Variants in MRNIP observed in about 807,000 individuals in gnomAD.
MRNIP encodes the protein MRN complex interacting protein.
MRNIP carries 30 observed loss-of-function variants against 29.8 expected under a neutral mutation model. The ratio of observed to expected loss-of-function variants is 1.01; its 90% CI spans 0.75 to 1.36. The LOEUF is 1.36. Among genes scored for constraint, MRNIP ranks in the 40% most tolerant of loss-of-function variants. The pLI, the probability that MRNIP is intolerant of heterozygous loss-of-function variation, is 0.00. For synonymous variants in MRNIP, 201 were observed against 164.1 expected (o/e 1.23, Z -1.72); for missense variants, 459 against 423.5 (o/e 1.08, Z -0.74).
chr5:179,841,886 G>C, intron 5 of MRNIP, 21 bp downstream of exon 5: 1 of 1,611,760 alleles, frequency 6.2e-7, no homozygotes, highest in Non-Finnish European at 8.5e-7. Context: ...GCCAGGGCTG[G>C]AACGGAGACG....
chr5:179,848,668 T>C (rs1159440291), intron 2 of MRNIP, among the ~76,000 whole-genome samples: 2 of 152,174 alleles, frequency 1.3e-5, no homozygotes, highest in East Asian at 3.8e-4. Context: ...TGCTAGTAAG[T>C]GCTCCTGAGA....
rs1352997641 is a variant in MRNIP at position 179,837,472 on chromosome 5, C to CA, written c.950dup (p.Val318GlyfsTer14). The CA allele has an allele frequency of 6.2e-7, 1 of 1,613,300 alleles. No individual in the cohort carries two copies. Among genetic ancestry groups the CA allele is most frequent in the African/African-American group, 1.3e-5 (1 of 74,754 alleles). ...GTCGAGGATTCTGTGCCTCCAGGAC[C>CA]AGGGGCCCACCCTCTGCCCAGGGAG... is the stretch of plus-strand genomic sequence containing the variant. On this transcript the variant is annotated frameshift_variant, in exon 7 of 7. Transcript: ENST00000292586. LOFTEE classifies it low-confidence loss of function (END_TRUNC).
intron 3 of MRNIP, among the ~76,000 whole-genome samples, chr5:179,846,487 TG>T (rs1759134522): frequency 6.6e-6 from 1 of 152,082 alleles, no homozygotes; most frequent in African/African-American, 2.4e-5. Context: ...TTCATCGTAT[TG>T]GCCAGGATGG....
At chr5:179,857,746 C>T (rs1412130903) in intron 1 of MRNIP, among the ~76,000 whole-genome samples, 1 of 152,096 alleles carries the variant, frequency 6.6e-6, no homozygotes, top group Non-Finnish European at 1.5e-5. Flanking sequence ...GGCACAATGG[C>T]TCTCGCCTGT....
Position 179,837,726 on chromosome 5 carries a change from C to T in MRNIP, c.697G>A (p.Val233Ile). Residue 233 changes from valine to isoleucine, a missense_variant, in exon 7 of 7, where the codon GTC (valine) becomes ATC (isoleucine). Transcript: ENST00000292586. ...TGTGAACTTTTTCTAGGTGGCAGGA[C>T]AAATTGCGCCCATTTAGAGGATGTG... ...TATSSKWAQF[V>I]LPPRKSSHVD... The T allele has an allele frequency of 2.0e-5, 32 of 1,614,250 alleles. No individual in the cohort carries two copies. Among genetic ancestry groups the T allele is most frequent in the Non-Finnish European group, 2.7e-5 (32 of 1,180,044 alleles).
At chr5:179,856,158 G>A (rs549998965) in intron 1 of MRNIP, among the ~76,000 whole-genome samples, 10 of 151,724 alleles carry the variant, frequency 6.6e-5, no homozygotes, top group South Asian at 2.1e-4. Flanking sequence ...TGCCCCCCTC[G>A]GCCTCCCAAA....
At chr5:179,849,970 G>T (rs1259886931) in intron 2 of MRNIP, among the ~76,000 whole-genome samples, 1 of 151,154 alleles carries the variant, frequency 6.6e-6, no homozygotes, top group African/African-American at 2.4e-5. Flanking sequence ...GAGAGTACGG[G>T]TCCCGCTATG....
At chr5:179,838,545 A>ATG (rs1399179571) in intron 6 of MRNIP, 30 of 153,320 alleles carry the variant, frequency 2.0e-4, no homozygotes, top group African/African-American at 6.7e-4. Flanking sequence ...GCGTGGTGGC[A>ATG]CGCGCCTGTA....
At chr5:179,840,797 C>T (rs753829516) in intron 6 of MRNIP, 75 bp downstream of exon 6, 10 of 1,116,420 alleles carry the variant, frequency 9.0e-6, no homozygotes, top group Admixed American at 5.9e-5. Context: ...ACTTCGTCAA[C>T]TGTGACAAAA....
At position 179,837,762 on chromosome 5, in the gene MRNIP, G is replaced by A; in HGVS notation, c.661C>T (p.Gln221Ter). The change falls in exon 7 of 7, where the codon CAG becomes TAG. Residue 221 changes from glutamine (Q) to a stop codon, truncating the protein, a stop_gained. Transcript: ENST00000292586. LOFTEE classifies it low-confidence loss of function (END_TRUNC). ...PGKELWSPIQ[Q>*]VTATSSKWAQ... is the part of the protein sequence containing the mutation. ...CATTTAGAGGATGTGGCTGTAACCT[G>A]CTGGATGGGACTCCATAGCTCCTTC... 1 of 1,614,240 alleles carries A rather than the reference G, an allele frequency of 6.2e-7. No homozygotes were observed. Among genetic ancestry groups the A allele is most frequent in the Non-Finnish European group, 8.5e-7 (1 of 1,180,046 alleles).
intron 6 of MRNIP, chr5:179,838,735 T>C (rs962833930): frequency 1.3e-5 from 2 of 152,178 alleles, no homozygotes; most frequent in Non-Finnish European, 1.5e-5. Flanking sequence ...TCCCAGCACT[T>C]TGGGAGGCTG....
rs949116045 is a variant in MRNIP at position 179,837,885 on chromosome 5, C to A, written c.538G>T (p.Gly180Ter). 33 of 1,602,018 alleles carry A rather than the reference C, an allele frequency of 2.1e-5. No individual in the cohort carries two copies. Among genetic ancestry groups the A allele is most frequent in the Non-Finnish European group, 2.7e-5 (32 of 1,178,094 alleles). ...GSEVAWGPQK[G>*]QAGLTWKVKQ... ...ACCTTCCATGTCAGGCCAGCCTGTC[C>A]CTGAAAGAGAAGATGGCCATGCCCT... Residue 180 changes from glycine (G) to a stop codon, truncating the protein, a stop_gained and splice_region_variant, in exon 7 of 7, where the codon GGA becomes TGA. Transcript: ENST00000292586. LOFTEE classifies it low-confidence loss of function (END_TRUNC).
chr5:179,847,321 T>C (rs1013654181), intron 3 of MRNIP: 1 of 151,996 alleles, frequency 6.6e-6, no homozygotes, highest in African/African-American at 2.4e-5. Context: ...GCATGCAACA[T>C]CATGCCAGGC....
At chr5:179,848,929 T>C (rs1759238236) in intron 2 of MRNIP, among the ~76,000 whole-genome samples, 1 of 152,174 alleles carries the variant, frequency 6.6e-6, no homozygotes, top group South Asian at 2.1e-4. Context: ...AGCTGAGGGG[T>C]CTAAGGGGAA....
chr5:179,847,027 CATTTT>C (rs909752985), intron 3 of MRNIP: 4 of 152,150 alleles, frequency 2.6e-5, no homozygotes, highest in African/African-American at 9.7e-5. Flanking sequence ...TTGGCTTCTA[CATTTT>C]TTTTTAAGCC....
intron 3 of MRNIP, chr5:179,847,334 A>AT (rs1490877260): frequency 2.0e-5 from 3 of 151,514 alleles, no homozygotes; most frequent in Non-Finnish European, 4.4e-5. Flanking sequence ...TGCCAGGCTA[A>AT]TTTTTTTGTA....
At chr5:179,839,734 A>C (rs1758791696) in intron 6 of MRNIP, 1 of 152,914 alleles carries the variant, frequency 6.5e-6, no homozygotes, top group Non-Finnish European at 1.5e-5. Flanking sequence ...TGGACTCCCA[A>C]CTGCAGTGCC....
In MRNIP at chr5:179,851,209, C is replaced by G. The variant is rs1014116976; in HGVS notation, c.126+2169G>C. The G allele has an allele frequency of 3.7e-5, 17 of 455,092 alleles. 1 individual carries two copies. The Admixed American group carries it at 4.0e-4, about 11-fold the overall frequency. 28.2% of individuals were successfully genotyped at this position (455,092 alleles called of 1,614,324 possible). A position where few individuals can be genotyped will look rare whatever the true frequency, so the allele number is the denominator to read the frequency against. On this transcript the variant is annotated intron_variant, in intron 2 of 6. Transcript: ENST00000292586. ...AATGTAGAAATATATACATCTCAAA[C>G]AAGCCATGCTCACCATGTGGGGTGT...
intron 3 of MRNIP, 25 bp downstream of exon 3, chr5:179,847,953 C>A (rs1305511164): frequency 2.0e-6 from 3 of 1,521,698 alleles, no homozygotes; most frequent in East Asian, 4.5e-5. Context: ...GGCAAGACAA[C>A]CACGCTCTTC....
Sources: allele counts gnomAD v4.1 joint callset (sites outside exome capture counted in the v4.1 genomes callset), GRCh38; gene constraint gnomAD v4.1.1; transcripts MANE v1.5; gene names NCBI Gene and HGNC (gene_info 2026-07-23, HGNC 2026-07-21).